POFUT3: variants seen among roughly 807,000 people sequenced by gnomAD.
The protein encoded by POFUT3 is protein O-fucosyltransferase 3, also known as GDP-fucose protein O-fucosyltransferase 3.
the POFUT3 span, among the ~76,000 whole-genome samples, chr8:33,410,580 A>G: frequency 1.3e-5 from 2 of 152,102 alleles, no homozygotes; most frequent in Non-Finnish European, 2.9e-5. Flanking sequence ...CTCCCACTCA[A>G]TACACATTTG....
chr8:33,469,057 G>A, the POFUT3 span, among the ~76,000 whole-genome samples: 1 of 152,186 alleles, frequency 6.6e-6, no homozygotes, highest in Non-Finnish European at 1.5e-5. Context: ...TGTAATGCCA[G>A]CACTTTGGGA....
At chr8:33,344,789 A>T in the POFUT3 span, among the ~76,000 whole-genome samples, 5 of 152,228 alleles carry the variant, frequency 3.3e-5, no homozygotes, top group Non-Finnish European at 5.9e-5. Context: ...AAACAACCCA[A>T]GATGGCAATT....
the POFUT3 span, among the ~76,000 whole-genome samples, chr8:33,420,933 G>A: frequency 2.0e-5 from 3 of 150,744 alleles, no homozygotes; most frequent in Non-Finnish European, 3.0e-5. Flanking sequence ...AATTTAAAAA[G>A]AGAAAATTAA....
At chr8:33,424,279 T>C in the POFUT3 span, among the ~76,000 whole-genome samples, 2 of 152,078 alleles carry the variant, frequency 1.3e-5, no homozygotes, top group African/African-American at 4.8e-5. Context: ...ATAAGGAAAA[T>C]ACTGGCCATA....
chr8:33,329,041 G>A, the POFUT3 span, among the ~76,000 whole-genome samples: 1 of 152,136 alleles, frequency 6.6e-6, no homozygotes, highest in South Asian at 2.1e-4. Context: ...ACATCATGTT[G>A]AAATATATTT....
At chr8:33,389,798 C>T in the POFUT3 span, 1 of 1,595,194 alleles carries the variant, frequency 6.3e-7, no homozygotes, top group Non-Finnish European at 8.6e-7. Flanking sequence ...AAAGTCAGTA[C>T]CTAGGAGAAG....
chr8:33,313,277 CAG>C, the POFUT3 span, among the ~76,000 whole-genome samples: 2 of 152,146 alleles, frequency 1.3e-5, no homozygotes, highest in Non-Finnish European at 2.9e-5. Flanking sequence ...CAACTACAAA[CAG>C]TACTTGCTTG....
chr8:33,418,965 A>G, the POFUT3 span, among the ~76,000 whole-genome samples: 3 of 152,210 alleles, frequency 2.0e-5, no homozygotes, highest in Non-Finnish European at 2.9e-5. Flanking sequence ...AAGTGAAATA[A>G]GCCAGGCACA....
At chr8:33,370,799 G>A in the POFUT3 span, 1 of 152,060 alleles carries the variant, frequency 6.6e-6, no homozygotes, top group East Asian at 1.9e-4. Flanking sequence ...TCTTTTGAGG[G>A]TTCAAAAAAA....
the POFUT3 span, among the ~76,000 whole-genome samples, chr8:33,433,679 G>T: frequency 2.0e-5 from 3 of 151,970 alleles, no homozygotes; most frequent in African/African-American, 4.8e-5. Flanking sequence ...AGCTACTTGG[G>T]AGGCTGAGGC....
the POFUT3 span, among the ~76,000 whole-genome samples, chr8:33,456,766 T>A: frequency 8.2e-6 from 1 of 122,360 alleles, no homozygotes; most frequent in Admixed American, 8.8e-5. Flanking sequence ...TTTATTTTCT[T>A]TTTTCTTTTT....
the POFUT3 span, among the ~76,000 whole-genome samples, chr8:33,316,573 AAAG>A: frequency 8.4e-4 from 56 of 67,014 alleles, 3 homozygotes; most frequent in South Asian, 0.041. Flanking sequence ...CTACAAAAAA[AAAG>A]AAAGAAAGAA....
chr8:33,332,875 C>T, the POFUT3 span, among the ~76,000 whole-genome samples: 2 of 152,168 alleles, frequency 1.3e-5, no homozygotes, highest in Non-Finnish European at 2.9e-5. Flanking sequence ...CCCTTCATTT[C>T]CCATGGCCAA....
At chr8:33,386,146 G>A in the POFUT3 span, among the ~76,000 whole-genome samples, 8 of 121,718 alleles carry the variant, frequency 6.6e-5, no homozygotes, top group South Asian at 2.7e-4. Context: ...CCGAGATCAC[G>A]CCACTACACT....
chr8:33,389,763 G>T, the POFUT3 span: 1 of 1,613,998 alleles, frequency 6.2e-7, no homozygotes, highest in Non-Finnish European at 8.5e-7. Flanking sequence ...TGGGCTTTCC[G>T]AGGCAGAGGT....
At chr8:33,406,961 A>G in the POFUT3 span, among the ~76,000 whole-genome samples, 1 of 152,206 alleles carries the variant, frequency 6.6e-6, no homozygotes, top group South Asian at 2.1e-4. Context: ...GAACAAAGGC[A>G]TTTCTTTGAA....
the POFUT3 span, among the ~76,000 whole-genome samples, chr8:33,320,089 C>A: frequency 1.3e-5 from 2 of 151,802 alleles, no homozygotes; most frequent in East Asian, 3.9e-4. Flanking sequence ...TATCTAAGAA[C>A]AGAGACTATG....
the POFUT3 span, among the ~76,000 whole-genome samples, chr8:33,314,484 C>T: frequency 2.0e-5 from 3 of 152,154 alleles, no homozygotes; most frequent in African/African-American, 4.8e-5. Context: ...AGCAAGTTAA[C>T]CACTCTGACT....
the POFUT3 span, chr8:33,461,635 C>G: frequency 2.6e-6 from 4 of 1,527,042 alleles, no homozygotes; most frequent in Non-Finnish European, 3.5e-6. Flanking sequence ...GAGGGTCTGG[C>G]TTGGCATCGA....
Sources: allele counts gnomAD v4.1 joint callset (sites outside exome capture counted in the v4.1 genomes callset), GRCh38; gene constraint gnomAD v4.1.1; transcripts MANE v1.5; gene names NCBI Gene and HGNC (gene_info 2026-07-23, HGNC 2026-07-21).